Variants in YAP1 observed in about 807,000 individuals in gnomAD.
YAP1 encodes the protein transcriptional coactivator YAP1.
Under a neutral mutation model 56.9 loss-of-function variants are expected in YAP1, and 5 were observed. That is an observed-to-expected ratio of 0.09 (90% CI 0.05 to 0.18). YAP1 has a LOEUF of 0.18. YAP1 is among the 10% of genes least tolerant of loss of function. The pLI is 1.00. For missense variants in YAP1, 539 were observed against 651.8 expected (o/e 0.83, Z 1.88); for synonymous variants, 265 against 248.1 (o/e 1.07, Z -0.64).
intron 4 of YAP1, among the ~76,000 whole-genome samples, chr11:102,198,351 C>A (rs1412437077): frequency 6.6e-6 from 1 of 152,162 alleles, no homozygotes; most frequent in Non-Finnish European, 1.5e-5. Flanking sequence ...TTCTGGGAAA[C>A]TGGTGAGAAG....
chr11:102,127,129 A>C (rs1421972832), intron 2 of YAP1, among the ~76,000 whole-genome samples: 7 of 152,252 alleles, frequency 4.6e-5, no homozygotes, highest in Non-Finnish European at 5.9e-5. Context: ...CTGACAATGC[A>C]GTAGAAAATA....
intron 3 of YAP1, among the ~76,000 whole-genome samples, chr11:102,171,951 A>G (rs1436134023): frequency 3.3e-5 from 5 of 152,052 alleles, no homozygotes; most frequent in Non-Finnish European, 7.4e-5. Context: ...GCACTTTGGG[A>G]GGCCGAGGCA....
intron 3 of YAP1, among the ~76,000 whole-genome samples, chr11:102,168,454 T>C (rs192077840): frequency 6.7e-6 from 1 of 149,232 alleles, no homozygotes; most frequent in Admixed American, 6.6e-5. Context: ...CCTAAATGTC[T>C]TATTACAGGT....
At chr11:102,137,710 A>G (rs1005781427) in intron 2 of YAP1, among the ~76,000 whole-genome samples, 1 of 150,480 alleles carries the variant, frequency 6.6e-6, no homozygotes, top group Admixed American at 6.6e-5. Flanking sequence ...TTGTGGGTTG[A>G]TTTAGTTCTA....
chr11:102,216,081 A>T (rs553806438), intron 6 of YAP1, among the ~76,000 whole-genome samples: 1,792 of 152,246 alleles, frequency 0.012, 19 homozygotes, highest in African/African-American at 0.039. Context: ...AAAGTATCCT[A>T]CTCCATGCTT....
At chr11:102,223,312 A>G (rs1213680083) in intron 6 of YAP1, among the ~76,000 whole-genome samples, 1 of 151,970 alleles carries the variant, frequency 6.6e-6, no homozygotes, top group Non-Finnish European at 1.5e-5. Flanking sequence ...CCATTCTATA[A>G]TAACCCAAAG....
At chr11:102,117,986 C>G (rs1943395319) in intron 2 of YAP1, among the ~76,000 whole-genome samples, 3 of 152,114 alleles carry the variant, frequency 2.0e-5, no homozygotes, top group African/African-American at 4.8e-5. Context: ...AACTTCCTGA[C>G]TCAGTATTCT....
chr11:102,131,610 C>G (rs1944371205), intron 2 of YAP1, among the ~76,000 whole-genome samples: 1 of 152,324 alleles, frequency 6.6e-6, no homozygotes, highest in Middle Eastern at 3.4e-3. Context: ...GGTCGACAGT[C>G]TTCCTGATTG....
At chr11:102,171,660 A>G (rs1468763261) in intron 3 of YAP1, among the ~76,000 whole-genome samples, 1 of 152,238 alleles carries the variant, frequency 6.6e-6, no homozygotes, top group Non-Finnish European at 1.5e-5. Context: ...GAAGAGTTGC[A>G]TATTAGTAGG....
At chr11:102,165,601 G>A (rs1200770332) in intron 3 of YAP1, among the ~76,000 whole-genome samples, 4 of 152,030 alleles carry the variant, frequency 2.6e-5, no homozygotes, top group Non-Finnish European at 5.9e-5. Flanking sequence ...AATGAGAAAA[G>A]CCACCTCTGA....
intron 2 of YAP1, among the ~76,000 whole-genome samples, chr11:102,155,008 A>T (rs1362150555): frequency 6.6e-6 from 1 of 152,172 alleles, no homozygotes; most frequent in Non-Finnish European, 1.5e-5. Context: ...TCAATAGGTG[A>T]AGTATTTGTT....
chr11:102,153,671 A>G (rs1945787291), intron 2 of YAP1, among the ~76,000 whole-genome samples: 3 of 152,306 alleles, frequency 2.0e-5, no homozygotes, highest in African/African-American at 7.2e-5. Flanking sequence ...AAAGAATTTC[A>G]ATGAAACTCC....
intron 2 of YAP1, 86 bp from the exon 3 acceptor site, chr11:102,162,370 C>A: frequency 2.6e-6 from 3 of 1,135,234 alleles, no homozygotes; most frequent in Non-Finnish European, 2.6e-6. Flanking sequence ...GCTCGCTTGG[C>A]ACCCTTTGAT....
chr11:102,198,775 G>A (rs1049361149), intron 4 of YAP1, among the ~76,000 whole-genome samples: 4 of 152,010 alleles, frequency 2.6e-5, no homozygotes, highest in African/African-American at 7.3e-5. Context: ...ATCAAACCTG[G>A]CACAGCACAC....
At chr11:102,144,774 A>G (rs1171166047) in intron 2 of YAP1, among the ~76,000 whole-genome samples, 1 of 152,102 alleles carries the variant, frequency 6.6e-6, no homozygotes, top group Non-Finnish European at 1.5e-5. Context: ...ATGTTGCCTT[A>G]CCCTTTTTGG....
At chr11:102,157,731 C>T (rs991617440) in intron 2 of YAP1, among the ~76,000 whole-genome samples, 32 of 152,122 alleles carry the variant, frequency 2.1e-4, no homozygotes, top group African/African-American at 7.7e-4. Flanking sequence ...ACTTGGTTGT[C>T]CTGATGTCTC....
chr11:102,178,453 T>C (rs1363050045), intron 3 of YAP1, among the ~76,000 whole-genome samples: 1 of 152,188 alleles, frequency 6.6e-6, no homozygotes, highest in Non-Finnish European at 1.5e-5. Flanking sequence ...TGAATAGACA[T>C]GGCAAATGGT....
chr11:102,189,079 T>C (rs1948140003), intron 4 of YAP1, among the ~76,000 whole-genome samples: 1 of 152,166 alleles, frequency 6.6e-6, no homozygotes, highest in Non-Finnish European at 1.5e-5. Context: ...TGTTTGTTTT[T>C]TTAAGGAGTC....
chr11:102,169,052 T>G (rs1402061573), intron 3 of YAP1, among the ~76,000 whole-genome samples: 2 of 152,160 alleles, frequency 1.3e-5, no homozygotes, highest in African/African-American at 4.8e-5. Flanking sequence ...GACCAAGGGC[T>G]CTGGAAATCC....
Sources: allele counts gnomAD v4.1 joint callset (sites outside exome capture counted in the v4.1 genomes callset), GRCh38; gene constraint gnomAD v4.1.1; transcripts MANE v1.5; gene names NCBI Gene and HGNC (gene_info 2026-07-23, HGNC 2026-07-21).